The following CARD8 variants were observed in gnomAD, a reference collection of about 807,000 sequenced individuals.
CARD8 encodes caspase recruitment domain-containing protein 8.
A neutral mutation model predicts 53.2 loss-of-function variants in CARD8; 38 were observed. That is an observed-to-expected ratio of 0.71 (90% CI 0.55 to 0.94). The LOEUF (loss-of-function observed/expected upper bound fraction) is 0.94, where lower values mean the gene tolerates loss of function less well. Among genes scored for constraint, CARD8 ranks in the 40% least tolerant of loss-of-function variants. The probability of loss-of-function intolerance (pLI) is 0.00; values close to 1 mark genes in which losing one functional copy is unlikely to be tolerated. For missense variants in CARD8, 561 were observed against 655.5 expected (o/e 0.86, Z 1.57); for synonymous variants, 245 against 244.9 (o/e 1.00, Z 0.00).
chr19:48,215,129 C>T (rs1300048351), intron 13 of CARD8: 3 of 462,442 alleles, frequency 6.5e-6, no homozygotes. Flanking sequence ...CTCTCCTGCT[C>T]TAAAACTTGC....
chr19:48,220,876 A>G (rs2040369743), intron 11 of CARD8, among the ~76,000 whole-genome samples: 1 of 151,492 alleles, frequency 6.6e-6, no homozygotes, highest in Admixed American at 6.6e-5. Context: ...ACACCACTGC[A>G]CTCCAGCTTG....
Position 48,213,443 on chromosome 19 carries a change from C to T in CARD8, c.1349-1468G>A, listed in dbSNP as rs1010520247. Among the ~76,000 whole-genome samples, 5 of 150,204 alleles carry T rather than the reference C, an allele frequency of 3.3e-5. No individual in the cohort carries two copies. The East Asian group carries it at 5.8e-4, about 17-fold the overall frequency. ...AGGCTGGAGTGCGATGGCACGATCTCGGCTTACTGCAATCTCCGCCCCTGG... is the reference window on the plus strand; with the variant it reads ...AGGCTGGAGTGCGATGGCACGATCTTGGCTTACTGCAATCTCCGCCCCTGG... On this transcript the variant is annotated intron_variant, in intron 13 of 13. Coordinates refer to ENST00000651546, the MANE Select transcript of CARD8 (RefSeq NM_001184900.3).
At chr19:48,206,028 G>T (rs1451287184), downstream of CARD8, among the ~76,000 whole-genome samples, 1 of 152,074 alleles carries the variant, frequency 6.6e-6, no homozygotes, top group Non-Finnish European at 1.5e-5. Flanking sequence ...CTCCCAAGTA[G>T]CTGGGATTAC....
At chr19:48,229,550 T>C (rs137903097) in intron 10 of CARD8, among the ~76,000 whole-genome samples, 6 of 152,306 alleles carry the variant, frequency 3.9e-5, no homozygotes, top group East Asian at 3.9e-4. Flanking sequence ...TCTTGGGATG[T>C]TGGAGCATTA....
At chr19:48,236,081 C>G (rs561534901) in intron 5 of CARD8, among the ~76,000 whole-genome samples, 3 of 152,158 alleles carry the variant, frequency 2.0e-5, no homozygotes, top group Non-Finnish European at 4.4e-5. Flanking sequence ...CACTGGACAC[C>G]ACAGACAGGG....
At chr19:48,252,154 A>G (rs983178199) in intron 1 of CARD8, among the ~76,000 whole-genome samples, 1 of 152,156 alleles carries the variant, frequency 6.6e-6, no homozygotes, top group Non-Finnish European at 1.5e-5. Context: ...GGAGCATTCA[A>G]TGGCTGATCT....
At position 48,217,167 on chromosome 19, in the gene CARD8, A is replaced by T. The variant is rs2039496010; in HGVS notation, c.1303+1704T>A. Among the ~76,000 whole-genome samples, 4 of 152,168 alleles carry T rather than the reference A, an allele frequency of 2.6e-5. No individual in the cohort carries two copies. The South Asian group carries it at 8.3e-4, about 32-fold the overall frequency. ...AGCAATGGGGAGCAGCTGTAAACAC[A>T]GATGAAGCTTCGCCTGCTCACCGTC... On this transcript the variant is annotated intron_variant, in intron 12 of 13. Transcript: ENST00000651546.
Position 48,226,616 on chromosome 19 carries a change from A to G in CARD8, c.1035+3822T>C, listed in dbSNP as rs115962463. ...GGGGGTATTACTTATTTTGCAAAAA[A>G]TCTCCCTGTTCCTAGATTTTAAAAA... On this transcript the variant is annotated intron_variant, in intron 10 of 13. Coordinates refer to ENST00000651546, the MANE Select transcript of CARD8 (RefSeq NM_001184900.3). 5.4e-3 allele frequency among the ~76,000 whole-genome samples: 828 copies of G among 152,250 alleles called. 5 individuals are homozygous for G. Among genetic ancestry groups the G allele is most frequent in the African/African-American group, 0.019 (789 of 41,534 alleles).
chr19:48,229,709 A>T (rs2042479158), intron 10 of CARD8, among the ~76,000 whole-genome samples: 1 of 152,232 alleles, frequency 6.6e-6, no homozygotes, highest in South Asian at 2.1e-4. Flanking sequence ...AGAGTGTGGG[A>T]ATATGAGCCT....
At chr19:48,237,012 G>A (rs1254284147) in intron 5 of CARD8, among the ~76,000 whole-genome samples, 4 of 152,112 alleles carry the variant, frequency 2.6e-5, no homozygotes, top group African/African-American at 9.7e-5. Flanking sequence ...CCGACATCAG[G>A]TGGTCCGCCC....
downstream of CARD8, chr19:48,204,281 G>C: frequency 2.3e-6 from 1 of 437,216 alleles, no homozygotes; most frequent in South Asian, 1.6e-5. Context: ...GACCTCGCGG[G>C]AGAAATTAGA....
intron 6 of CARD8, 109 bp downstream of exon 6, chr19:48,234,294 T>C (rs2288877): frequency 0.32 from 356,443 of 1,121,246 alleles, 58,301 homozygotes; most frequent in Admixed American, 0.39. Flanking sequence ...AGCTCATTCA[T>C]TCTCCCCTGA....
At chr19:48,218,114 A>G (rs1286040245) in intron 12 of CARD8, among the ~76,000 whole-genome samples, 1 of 151,098 alleles carries the variant, frequency 6.6e-6, no homozygotes, top group Non-Finnish European at 1.5e-5. Flanking sequence ...AAATGCCACC[A>G]TTGTTGTGTT....
At chr19:48,240,225 G>A (rs1417688515) in intron 4 of CARD8, among the ~76,000 whole-genome samples, 2 of 152,170 alleles carry the variant, frequency 1.3e-5, no homozygotes, top group Non-Finnish European at 2.9e-5. Flanking sequence ...TGGTGCTGAT[G>A]AGGAGCCACT....
intron 6 of CARD8, chr19:48,233,324 C>G (rs1279696661): frequency 6.6e-6 from 3 of 456,144 alleles, no homozygotes; most frequent in Non-Finnish European, 1.3e-5. Flanking sequence ...TGATCCATTC[C>G]TTGAGATATC....
chr19:48,235,636 G>A (rs1474666423), intron 5 of CARD8, among the ~76,000 whole-genome samples: 2 of 152,086 alleles, frequency 1.3e-5, no homozygotes, highest in African/African-American at 2.4e-5. Flanking sequence ...CTTCCACCTT[G>A]GCATCCCAAA....
downstream of CARD8, chr19:48,204,132 C>T (rs930133677): frequency 6.6e-6 from 3 of 454,520 alleles, no homozygotes; most frequent in African/African-American, 6.0e-5. Flanking sequence ...GGCGCCGGGG[C>T]TGCAGTCTCT....
Position 48,216,981 on chromosome 19 carries a change from G to A in CARD8, c.1304-1597C>T, listed in dbSNP as rs145643613. 8.5e-5 allele frequency among the ~76,000 whole-genome samples: 13 copies of A among 152,178 alleles called. No individual in the cohort carries two copies. The East Asian group carries it at 2.5e-3, about 29-fold the overall frequency. ...TCCTGCAACTAGGTGGTCCCATCTC[G>A]GGGTGATGGGAGACAGTGACAGATC... On this transcript the variant is annotated intron_variant, in intron 12 of 13. Transcript: ENST00000651546.
chr19:48,220,075 A>G (rs939121587), intron 11 of CARD8, among the ~76,000 whole-genome samples: 1 of 152,270 alleles, frequency 6.6e-6, no homozygotes, highest in East Asian at 1.9e-4. Context: ...ATTTATTTCT[A>G]TATCAGCAAT....
Sources: allele counts gnomAD v4.1 joint callset (sites outside exome capture counted in the v4.1 genomes callset), GRCh38; gene constraint gnomAD v4.1.1; transcripts MANE v1.5; gene names NCBI Gene and HGNC (gene_info 2026-07-23, HGNC 2026-07-21).